Variants in TRIO observed in about 807,000 individuals in gnomAD.
The protein encoded by TRIO is trio Rho guanine nucleotide exchange factor, also known as triple functional domain protein.
TRIO carries 58 observed loss-of-function variants against 351.9 expected under a neutral mutation model. The observed-to-expected ratio is 0.16, with a 90% CI of 0.13 to 0.21. The LOEUF is 0.21. Among genes scored for constraint, TRIO ranks in the 10% least tolerant of loss-of-function variants. The probability of loss-of-function intolerance (pLI) is 1.00; values close to 1 mark genes in which losing one functional copy is unlikely to be tolerated. For missense variants in TRIO, 3,201 were observed against 4,027.8 expected (o/e 0.79, Z 5.56); for synonymous variants, 1,758 against 1,595.7 (o/e 1.10, Z -2.42).
chr5:14,368,790 G>A lies in TRIO; in HGVS notation c.2957G>A (p.Arg986Gln). Residue 986 changes from arginine (R) to glutamine (Q), a missense_variant, in exon 17 of 57, where the codon CGG (arginine) becomes CAG (glutamine). Arg to Gln is a conservative substitution (Grantham distance 43, BLOSUM62 1). Transcript: ENST00000344204. ...AACCACTACGACATGGACATGATCC[G>A]GGACTGCGCCGAGAAGGTGGCGTCT... ...QANHYDMDMI[R>Q]DCAEKVASHW... The A allele has an allele frequency of 1.2e-6, 2 of 1,614,078 alleles. No homozygotes were observed. Among genetic ancestry groups the A allele is most frequent in the Non-Finnish European group, 1.7e-6 (2 of 1,180,016 alleles).
chr5:14,383,002 A>G (rs1419907726), intron 21 of TRIO, among the ~76,000 whole-genome samples: 1 of 152,064 alleles, frequency 6.6e-6, no homozygotes, highest in Non-Finnish European at 1.5e-5. Flanking sequence ...CCAGGCTGGA[A>G]TGCAGTGGCA....
intron 34 of TRIO, among the ~76,000 whole-genome samples, chr5:14,422,597 C>T (rs1345292982): frequency 6.6e-6 from 1 of 152,190 alleles, no homozygotes; most frequent in Non-Finnish European, 1.5e-5. Flanking sequence ...CTCAGGTTCA[C>T]GTGGTGGTTT....
intron 9 of TRIO, among the ~76,000 whole-genome samples, chr5:14,321,154 G>A (rs778457402): frequency 5.3e-5 from 8 of 152,244 alleles, no homozygotes; most frequent in South Asian, 2.1e-4. Flanking sequence ...GAATATCTTC[G>A]TGGAAGAGGT....
chr5:14,437,697 C>A (rs773960980), intron 34 of TRIO, among the ~76,000 whole-genome samples: 3,918 of 147,924 alleles, frequency 0.026, 160 homozygotes, highest in South Asian at 0.044. Context: ...CCCCCCCCGC[C>A]CCAAGGACCT....
chr5:14,472,475 C>A, intron 38 of TRIO, 117 bp from the exon 39 acceptor site: 1 of 1,084,318 alleles, frequency 9.2e-7, no homozygotes, highest in Non-Finnish European at 1.3e-6. Flanking sequence ...CCTAAATGTA[C>A]AAATTTGATA....
At chr5:14,149,575 G>C (rs556944069) in intron 1 of TRIO, among the ~76,000 whole-genome samples, 2 of 152,122 alleles carry the variant, frequency 1.3e-5, no homozygotes, top group Non-Finnish European at 2.9e-5. Flanking sequence ...GGCTACGAGC[G>C]GGGGGCAGAG....
chr5:14,239,738 A>G (rs1794014393), intron 1 of TRIO, among the ~76,000 whole-genome samples: 1 of 152,234 alleles, frequency 6.6e-6, no homozygotes, highest in Non-Finnish European at 1.5e-5. Flanking sequence ...GGGATAATAT[A>G]GGAACATGAA....
rs1029114202 is a variant in TRIO, at chr5:14,358,267, C to G, written c.2136C>G (p.Arg712=). Residue 712 remains arginine, a synonymous_variant, in exon 12 of 57, where the codon CGC becomes CGG. Coordinates refer to ENST00000344204, the MANE Select transcript of TRIO (RefSeq NM_007118.4). ...AGGCCGTGCAGGACCTCATCAAGCG[C>G]TTTGGCCAGCAGCAGCAGACCACCC... is the stretch of plus-strand genomic sequence containing the variant. ...SVEAVQDLIK[R]FGQQQQTTLQ... 5.0e-6 allele frequency: 8 copies of G among 1,614,212 alleles called. No individual in the cohort carries two copies. The South Asian group carries it at 8.8e-5, about 18-fold the overall frequency.
At chr5:14,246,887 A>T (rs1001688583) in intron 1 of TRIO, among the ~76,000 whole-genome samples, 3 of 151,948 alleles carry the variant, frequency 2.0e-5, no homozygotes, top group Non-Finnish European at 4.4e-5. Flanking sequence ...ACTCCTGGCC[A>T]CCTTCACAAC....
At chr5:14,155,978 A>G (rs1439168414) in intron 1 of TRIO, among the ~76,000 whole-genome samples, 2 of 151,926 alleles carry the variant, frequency 1.3e-5, no homozygotes, top group African/African-American at 4.8e-5. Context: ...TTCCTTTTGT[A>G]TTTAGTTGAC....
intron 1 of TRIO, among the ~76,000 whole-genome samples, chr5:14,220,261 G>A (rs1249284126): frequency 6.6e-6 from 1 of 152,086 alleles, no homozygotes; most frequent in Non-Finnish European, 1.5e-5. Flanking sequence ...TTGTTTTGCA[G>A]CAGTATGGAC....
intron 49 of TRIO, among the ~76,000 whole-genome samples, chr5:14,494,499 T>C (rs1482129097): frequency 1.3e-5 from 2 of 152,356 alleles, no homozygotes; most frequent in East Asian, 3.9e-4. Flanking sequence ...AGAGCTCCGA[T>C]GGAGATGTGC....
intron 48 of TRIO, 126 bp downstream of exon 48, chr5:14,488,386 A>G (rs1005170010): frequency 1.8e-5 from 25 of 1,392,574 alleles, no homozygotes; most frequent in Non-Finnish European, 2.4e-5. Flanking sequence ...TGCGGCCTCT[A>G]CCTGGGACCA....
At chr5:14,275,886 T>A (rs940801248) in intron 2 of TRIO, among the ~76,000 whole-genome samples, 2 of 135,360 alleles carry the variant, frequency 1.5e-5, no homozygotes, top group East Asian at 2.3e-4. Flanking sequence ...ATATATATGT[T>A]TATATATATG....
chr5:14,336,525 C>A lies in TRIO; in HGVS notation c.1855-11C>A. ...TTACCTTCTGTTTCTCTGGGATGTT[C>A]TCTTGTGCAGAACACATACACCAAT... On this transcript the variant is annotated splice_polypyrimidine_tract_variant and intron_variant, in intron 10 of 56. Transcript: ENST00000344204. 1 of 1,612,644 alleles carries A rather than the reference C, an allele frequency of 6.2e-7. No homozygotes were observed. Among genetic ancestry groups the A allele is most frequent in the South Asian group, 1.1e-5 (1 of 91,012 alleles).
chr5:14,425,103 G>T (rs993019980), intron 34 of TRIO, among the ~76,000 whole-genome samples: 1 of 152,184 alleles, frequency 6.6e-6, no homozygotes, highest in Non-Finnish European at 1.5e-5. Context: ...CCATTCTTAA[G>T]TCTACAGATC....
chr5:14,241,733 C>G (rs1430408453), intron 1 of TRIO, among the ~76,000 whole-genome samples: 3 of 152,120 alleles, frequency 2.0e-5, no homozygotes, highest in African/African-American at 7.2e-5. Context: ...ACTTTGGGTT[C>G]TTGTTTCTTC....
intron 27 of TRIO, among the ~76,000 whole-genome samples, chr5:14,393,826 C>A (rs886710778): frequency 6.6e-6 from 1 of 152,180 alleles, no homozygotes; most frequent in African/African-American, 2.4e-5. Flanking sequence ...CCTCCTGCTC[C>A]AAAGTACCCC....
chr5:14,167,904 ATC>A, intron 1 of TRIO, among the ~76,000 whole-genome samples: 1 of 152,272 alleles, frequency 6.6e-6, no homozygotes, highest in South Asian at 2.1e-4. Flanking sequence ...ATTGACTTAA[ATC>A]TCTTTTTTTT....
Sources: gnomAD v4.1 joint callset for allele counts (sites outside exome capture counted in the v4.1 genomes callset) on GRCh38, gnomAD v4.1.1 for gene constraint, MANE v1.5 for transcripts, NCBI Gene and HGNC (gene_info 2026-07-23, HGNC 2026-07-21) for gene names.